ENTREP1: variants seen among roughly 807,000 people sequenced by gnomAD.
ENTREP1 encodes the protein Friedreich ataxia region gene X123.
At chr9:69,328,523 C>G in the ENTREP1 span, among the ~76,000 whole-genome samples, 1 of 152,178 alleles carries the variant, frequency 6.6e-6, no homozygotes, top group Non-Finnish European at 1.5e-5. Context: ...CTCCCCCTTC[C>G]TAACACCCCT....
At chr9:69,363,523 G>A in the ENTREP1 span, among the ~76,000 whole-genome samples, 3 of 152,206 alleles carry the variant, frequency 2.0e-5, no homozygotes, top group Non-Finnish European at 4.4e-5. Context: ...ATATGTGCAG[G>A]GTATGGGGAA....
the ENTREP1 span, among the ~76,000 whole-genome samples, chr9:69,368,758 A>G: frequency 1.3e-5 from 2 of 152,128 alleles, no homozygotes; most frequent in Non-Finnish European, 2.9e-5. Flanking sequence ...AGAATTTGGC[A>G]GTGGCTTCAT....
the ENTREP1 span, among the ~76,000 whole-genome samples, chr9:69,344,374 C>A: frequency 2.0e-5 from 3 of 152,182 alleles, no homozygotes; most frequent in Non-Finnish European, 2.9e-5. Context: ...TTACAGTGGA[C>A]CCCTCTGTGG....
the ENTREP1 span, among the ~76,000 whole-genome samples, chr9:69,355,997 A>G: frequency 6.6e-6 from 1 of 152,218 alleles, no homozygotes; most frequent in Non-Finnish European, 1.5e-5. Flanking sequence ...TTTAAAGTGT[A>G]CAATTCAGTG....
At chr9:69,339,510 G>A in the ENTREP1 span, among the ~76,000 whole-genome samples, 1 of 152,162 alleles carries the variant, frequency 6.6e-6, no homozygotes, top group South Asian at 2.1e-4. Flanking sequence ...TGATACCAAG[G>A]GAAGCTCTAC....
chr9:69,384,177 G>A, the ENTREP1 span: 5 of 580,220 alleles, frequency 8.6e-6, no homozygotes, highest in Non-Finnish European at 1.5e-5. Flanking sequence ...GGACAACATG[G>A]AGAGAGACCC....
the ENTREP1 span, among the ~76,000 whole-genome samples, chr9:69,384,323 G>A: frequency 3.3e-5 from 5 of 152,048 alleles, no homozygotes; most frequent in African/African-American, 1.2e-4. Context: ...CAACTATTAG[G>A]GCTTATAAAT....
At chr9:69,344,458 G>A in the ENTREP1 span, among the ~76,000 whole-genome samples, 3 of 152,178 alleles carry the variant, frequency 2.0e-5, no homozygotes, top group Admixed American at 6.5e-5. Context: ...GTGCTGTATT[G>A]TGTGAAGAGG....
At chr9:69,333,232 G>A in the ENTREP1 span, among the ~76,000 whole-genome samples, 1 of 151,412 alleles carries the variant, frequency 6.6e-6, no homozygotes, top group Non-Finnish European at 1.5e-5. Flanking sequence ...GGCTGTGTAG[G>A]TGAGGGGGGC....
the ENTREP1 span, chr9:69,329,283 G>C: frequency 1.2e-6 from 1 of 837,834 alleles, no homozygotes; most frequent in South Asian, 5.5e-5. Context: ...TGAAAATTTT[G>C]CTTGTGTATT....
chr9:69,336,746 C>A, the ENTREP1 span, among the ~76,000 whole-genome samples: 1 of 152,112 alleles, frequency 6.6e-6, no homozygotes, highest in Non-Finnish European at 1.5e-5. Flanking sequence ...GAGTCTCGCA[C>A]TGTTGCCCAG....
At chr9:69,389,079 C>T in the ENTREP1 span, among the ~76,000 whole-genome samples, 1 of 152,184 alleles carries the variant, frequency 6.6e-6, no homozygotes, top group African/African-American at 2.4e-5. Context: ...TAGGTAGTCT[C>T]TCTACCTTTA....
the ENTREP1 span, chr9:69,371,698 C>A: frequency 2.3e-6 from 2 of 884,852 alleles, no homozygotes; most frequent in Non-Finnish European, 1.9e-6. Context: ...CAGCATCAGG[C>A]AACTGTCCTG....
At chr9:69,391,365 C>T in the ENTREP1 span, among the ~76,000 whole-genome samples, 25 of 152,238 alleles carry the variant, frequency 1.6e-4, no homozygotes, top group Middle Eastern at 6.8e-3. Context: ...GAAATTGCAA[C>T]GGACAAACCA....
At chr9:69,336,289 A>G in the ENTREP1 span, 16 of 1,510,898 alleles carry the variant, frequency 1.1e-5, no homozygotes, top group Admixed American at 1.8e-5. Context: ...GATCTTATAA[A>G]TTGCTACCCT....
chr9:69,333,008 A>C, the ENTREP1 span, among the ~76,000 whole-genome samples: 4 of 152,344 alleles, frequency 2.6e-5, no homozygotes, highest in African/African-American at 9.6e-5. Flanking sequence ...TCCAATGCAC[A>C]TGAAGAGATT....
At chr9:69,341,080 A>AT in the ENTREP1 span, among the ~76,000 whole-genome samples, 2 of 152,120 alleles carry the variant, frequency 1.3e-5, no homozygotes, top group African/African-American at 4.8e-5. Flanking sequence ...GGTGGCAGGT[A>AT]TTTTTCCTTG....
chr9:69,371,176 A>G, the ENTREP1 span: 1 of 335,020 alleles, frequency 3.0e-6, no homozygotes. Flanking sequence ...ACTAAAGGAA[A>G]AAAAATAAGA....
chr9:69,387,897 C>T, the ENTREP1 span: 3 of 1,409,580 alleles, frequency 2.1e-6, no homozygotes, highest in Admixed American at 4.4e-5. Context: ...ATTCTCCTCT[C>T]CACCATCTGG....
Sources: gnomAD v4.1 joint callset for allele counts (sites outside exome capture counted in the v4.1 genomes callset) on GRCh38, gnomAD v4.1.1 for gene constraint, MANE v1.5 for transcripts, NCBI Gene and HGNC (gene_info 2026-07-23, HGNC 2026-07-21) for gene names.